The following GRK5 variants were observed in gnomAD, a reference collection of about 807,000 sequenced individuals.
GRK5 encodes G protein-coupled receptor kinase 5.
GRK5 carries 40 observed loss-of-function variants against 78.4 expected under a neutral mutation model. The observed-to-expected ratio is 0.51, with a 90% CI of 0.40 to 0.66. The LOEUF (loss-of-function observed/expected upper bound fraction) is 0.66. Among genes scored for constraint, GRK5 ranks in the 30% least tolerant of loss-of-function variants. GRK5 has a pLI of 0.00. For synonymous variants in GRK5, 289 were observed against 296.8 expected (o/e 0.97, Z 0.27); for missense variants, 598 against 759.9 (o/e 0.79, Z 2.50).
intron 1 of GRK5, among the ~76,000 whole-genome samples, chr10:119,236,088 C>T (rs1457715610): frequency 6.6e-6 from 1 of 152,190 alleles, no homozygotes; most frequent in Non-Finnish European, 1.5e-5. Context: ...AGTGCCAGGG[C>T]CCAGGTTGCA....
At chr10:119,443,485 A>G (rs1853078904) in intron 11 of GRK5, 59 bp from the exon 12 acceptor site, 1 of 1,488,492 alleles carries the variant, frequency 6.7e-7, no homozygotes, top group Admixed American at 1.8e-5. Flanking sequence ...GCCTTCTGTG[A>G]GCAGCGCCAC....
At chr10:119,444,870 C>G (rs3824827) in intron 12 of GRK5, among the ~76,000 whole-genome samples, 12,459 of 152,278 alleles carry the variant, frequency 0.082, 762 homozygotes, top group East Asian at 0.27. Flanking sequence ...TAGGAAGCAG[C>G]AGTCCTGGGA....
At chr10:119,427,852 G>T (rs1159583489) in intron 6 of GRK5, among the ~76,000 whole-genome samples, 1 of 149,548 alleles carries the variant, frequency 6.7e-6, no homozygotes, top group Non-Finnish European at 1.5e-5. Context: ...CAGCATCACT[G>T]CTGTTATCAA....
intron 3 of GRK5, among the ~76,000 whole-genome samples, chr10:119,386,808 C>A (rs1851805766): frequency 6.6e-6 from 1 of 152,220 alleles, no homozygotes; most frequent in Non-Finnish European, 1.5e-5. Flanking sequence ...TCCATCCTGA[C>A]TGGAACCCAG....
At chr10:119,403,198 G>T (rs965343244) in intron 4 of GRK5, among the ~76,000 whole-genome samples, 4 of 151,930 alleles carry the variant, frequency 2.6e-5, no homozygotes, top group Admixed American at 2.6e-4. Flanking sequence ...ACGGAGTCTC[G>T]CTCTGTCCCC....
chr10:119,285,892 G>A (rs11198860), intron 1 of GRK5, among the ~76,000 whole-genome samples: 20,043 of 152,058 alleles, frequency 0.13, 1,398 homozygotes, highest in Middle Eastern at 0.17. Context: ...CTGGCAGAAC[G>A]TCCTTGGGCA....
chr10:119,381,026 G>A (rs1366147302), intron 3 of GRK5, 99 bp downstream of exon 3: 3 of 699,844 alleles, frequency 4.3e-6, no homozygotes, highest in African/African-American at 1.8e-5. Flanking sequence ...AGAAGACTGA[G>A]GAATAAACTC....
chr10:119,317,087 A>C (rs574794779), intron 1 of GRK5, among the ~76,000 whole-genome samples: 3 of 152,342 alleles, frequency 2.0e-5, no homozygotes, highest in African/African-American at 4.8e-5. Context: ...AAAGCCAGTC[A>C]GATTCTTTAT....
intron 2 of GRK5, among the ~76,000 whole-genome samples, chr10:119,332,901 C>T (rs1420393481): frequency 3.9e-5 from 6 of 152,182 alleles, no homozygotes; most frequent in Non-Finnish European, 8.8e-5. Flanking sequence ...AAAAAGGAAC[C>T]ATACCCTCCT....
intron 1 of GRK5, among the ~76,000 whole-genome samples, chr10:119,274,600 A>T (rs1849637458): frequency 6.6e-6 from 1 of 152,224 alleles, no homozygotes; most frequent in Admixed American, 6.5e-5. Flanking sequence ...CCATTCAGTG[A>T]TGCTGCTGTG....
chr10:119,214,759 A>G (rs570127854), intron 1 of GRK5, among the ~76,000 whole-genome samples: 29 of 152,284 alleles, frequency 1.9e-4, no homozygotes, highest in African/African-American at 6.0e-4. Context: ...GGGCTCAAGC[A>G]ATCCATCCAC....
Position 119,452,845 on chromosome 10 carries a change from G to A in GRK5, c.1542+37G>A. On this transcript the variant is annotated intron_variant, in intron 14 of 15. Transcript: ENST00000392870. The surrounding 1 kb of genome is among the most constrained non-coding windows in gnomAD (Gnocchi z 4.4). Reference sequence around the variant, plus strand: ...AGACCACTTGCTTTGGTCTGGGTGGGAGGGAGGGACTGACGGGTGGAAGGA... The same window carrying A: ...AGACCACTTGCTTTGGTCTGGGTGGAAGGGAGGGACTGACGGGTGGAAGGA... 3 of 1,231,434 alleles carry A rather than the reference G, an allele frequency of 2.4e-6. No homozygotes were observed. Among genetic ancestry groups the A allele is most frequent in the South Asian group, 1.2e-5 (1 of 83,324 alleles). 76.3% of individuals were successfully genotyped at this position (1,231,434 alleles called of 1,614,324 possible). A position where few individuals can be genotyped will look rare whatever the true frequency, so the allele number is the denominator to read the frequency against.
At chr10:119,308,457 G>A (rs1224929169) in intron 1 of GRK5, among the ~76,000 whole-genome samples, 1 of 152,192 alleles carries the variant, frequency 6.6e-6, no homozygotes, top group African/African-American at 2.4e-5. Context: ...GGCCAGGCGT[G>A]TGCCCCCTCA....
chr10:119,333,557 G>C (rs1850821027), intron 2 of GRK5: 1 of 343,462 alleles, frequency 2.9e-6, no homozygotes, highest in Non-Finnish European at 5.7e-6. Flanking sequence ...CCAGGTCCCT[G>C]GTCTGGAGTG....
chr10:119,223,855 G>A (rs1286730947), intron 1 of GRK5, among the ~76,000 whole-genome samples: 5 of 152,026 alleles, frequency 3.3e-5, no homozygotes, highest in Non-Finnish European at 5.9e-5. Context: ...AAGTCGGCCT[G>A]TGGAGACCTG....
intron 1 of GRK5, among the ~76,000 whole-genome samples, chr10:119,287,706 C>T (rs1247539511): frequency 6.6e-6 from 1 of 152,172 alleles, no homozygotes; most frequent in East Asian, 1.9e-4. Flanking sequence ...AGCCCCCCAC[C>T]CACTCCCACA....
intron 2 of GRK5, among the ~76,000 whole-genome samples, chr10:119,376,597 T>C (rs187500712): frequency 1.5e-5 from 2 of 134,550 alleles, no homozygotes; most frequent in East Asian, 2.5e-4. Context: ...ACAGTTTCAC[T>C]CTTGTTGCCC....
chr10:119,238,227 C>T lies in GRK5; in HGVS notation c.52+30258C>T, dbSNP rs969997503. Among the ~76,000 whole-genome samples the T allele has an allele frequency of 6.6e-5, 10 of 152,024 alleles. No individual in the cohort carries two copies. The highest frequency in any genetic ancestry group is 2.0e-4 in the Admixed American group (3 of 15,256). ...TGCCCTCTGCTGTGCTGGTGACAGC[C>T]GGGAGGGTCAGACTTTATCAGTTTC... On this transcript the variant is annotated intron_variant, in intron 1 of 15. Coordinates refer to ENST00000392870, the MANE Select transcript of GRK5 (RefSeq NM_005308.3). The surrounding 1 kb of genome is among the most constrained non-coding windows in gnomAD (Gnocchi z 4.7).
At chr10:119,402,305 G>T (rs540491539) in intron 4 of GRK5, among the ~76,000 whole-genome samples, 1 of 152,224 alleles carries the variant, frequency 6.6e-6, no homozygotes, top group South Asian at 2.1e-4. Context: ...GGATTGTCTC[G>T]GGTTTGTCAG....
Sources: gnomAD v4.1 joint callset for allele counts (sites outside exome capture counted in the v4.1 genomes callset) on GRCh38, gnomAD v4.1.1 for gene constraint, Gnocchi (gnomAD v3.1) non-coding constraint, MANE v1.5 for transcripts, NCBI Gene and HGNC (gene_info 2026-07-23, HGNC 2026-07-21) for gene names.